The following STK39 variants were observed in gnomAD, a reference collection of about 807,000 sequenced individuals.
STK39 encodes the protein STE20/SPS1-related proline-alanine-rich protein kinase.
A neutral mutation model predicts 77.8 loss-of-function variants in STK39; 20 were observed. The ratio of observed to expected loss-of-function variants is 0.26; its 90% CI spans 0.18 to 0.37. The LOEUF (loss-of-function observed/expected upper bound fraction) is 0.37, where lower values mean the gene tolerates loss of function less well. Ranked by LOEUF, STK39 falls within the 10% of genes least tolerant of loss-of-function variation. The pLI, the probability that STK39 is intolerant of heterozygous loss-of-function variation, is 1.00. For synonymous variants in STK39, 246 were observed against 234.1 expected (o/e 1.05, Z -0.47); for missense variants, 479 against 656.5 (o/e 0.73, Z 2.95).
intron 2 of STK39, among the ~76,000 whole-genome samples, chr2:168,180,712 C>G (rs1026711576): frequency 2.6e-5 from 4 of 151,326 alleles, no homozygotes. Context: ...TAGCAAGCAA[C>G]AGACAAGTAG....
At chr2:168,213,549 C>T (rs948380153) in intron 1 of STK39, among the ~76,000 whole-genome samples, 7 of 151,804 alleles carry the variant, frequency 4.6e-5, no homozygotes, top group South Asian at 4.2e-4. Context: ...AGGCGGGCAT[C>T]GTGATGTGTG....
intron 1 of STK39, among the ~76,000 whole-genome samples, chr2:168,219,542 A>G (rs190028909): frequency 6.6e-4 from 100 of 151,874 alleles, no homozygotes; most frequent in Non-Finnish European, 5.9e-4. Context: ...CTATCCCTCT[A>G]CTGTCCAAAC....
chr2:167,983,311 C>G (rs1424234060), intron 16 of STK39, among the ~76,000 whole-genome samples: 1 of 151,876 alleles, frequency 6.6e-6, no homozygotes, highest in African/African-American at 2.4e-5. Context: ...GAAACCCTGT[C>G]TCTACTAAAA....
intron 10 of STK39, among the ~76,000 whole-genome samples, chr2:168,080,324 C>T (rs569710606): frequency 1.6e-4 from 25 of 152,214 alleles, no homozygotes; most frequent in South Asian, 6.2e-4. Flanking sequence ...TGCAGCCTGA[C>T]GATGTGACAG....
At chr2:168,212,157 C>T (rs988264810) in intron 1 of STK39, among the ~76,000 whole-genome samples, 11 of 152,218 alleles carry the variant, frequency 7.2e-5, no homozygotes, top group African/African-American at 2.2e-4. Flanking sequence ...TGAAGACCTT[C>T]CTGTTACCTT....
At chr2:168,086,559 T>C (rs1183177497) in intron 10 of STK39, among the ~76,000 whole-genome samples, 1 of 152,158 alleles carries the variant, frequency 6.6e-6, no homozygotes, top group East Asian at 1.9e-4. Context: ...AGAATGAGGA[T>C]ATGAAAAAGT....
intron 1 of STK39, among the ~76,000 whole-genome samples, chr2:168,216,919 C>T (rs1184618956): frequency 6.6e-6 from 1 of 152,158 alleles, no homozygotes; most frequent in Non-Finnish European, 1.5e-5. Flanking sequence ...CCGCTAGGAA[C>T]AAGGCTTTTT....
intron 1 of STK39, among the ~76,000 whole-genome samples, chr2:168,191,377 C>T (rs1343474317): frequency 6.6e-6 from 1 of 152,058 alleles, no homozygotes; most frequent in Non-Finnish European, 1.5e-5. Flanking sequence ...AGCATATCCA[C>T]AGCCCACGCC....
intron 15 of STK39, among the ~76,000 whole-genome samples, chr2:168,013,729 T>G (rs556641452): frequency 3.3e-5 from 5 of 152,252 alleles, no homozygotes; most frequent in Admixed American, 1.3e-4. Context: ...AAAGCTGCCC[T>G]AACCATAAAC....
intron 10 of STK39, among the ~76,000 whole-genome samples, chr2:168,110,850 C>CAT (rs1439826458): frequency 6.6e-6 from 1 of 152,170 alleles, no homozygotes; most frequent in Non-Finnish European, 1.5e-5. Context: ...TTGACTCTAT[C>CAT]AATCAATTTG....
intron 1 of STK39, among the ~76,000 whole-genome samples, chr2:168,223,339 G>A (rs142514418): frequency 0.039 from 5,936 of 151,874 alleles, 164 homozygotes; most frequent in Middle Eastern, 0.078. Context: ...GTGAAACCCC[G>A]TCTTTACTAA....
chr2:168,213,946 C>G (rs889749086), intron 1 of STK39, among the ~76,000 whole-genome samples: 1 of 152,048 alleles, frequency 6.6e-6, no homozygotes, highest in Admixed American at 6.6e-5. Context: ...ATGGTATATA[C>G]GAATAGTAGA....
chr2:168,064,993 A>T (rs1460108736), intron 13 of STK39, among the ~76,000 whole-genome samples: 1 of 152,260 alleles, frequency 6.6e-6, no homozygotes, highest in African/African-American at 2.4e-5. Flanking sequence ...AAATCCAACC[A>T]GGAGCAAAAA....
At chr2:168,074,907 C>T in intron 12 of STK39, 75 bp downstream of exon 12, 1 of 1,545,680 alleles carries the variant, frequency 6.5e-7, no homozygotes, top group Non-Finnish European at 8.8e-7. Flanking sequence ...AAGCATCTCC[C>T]CTAAATGGAT....
intron 1 of STK39, chr2:168,231,908 G>A (rs1042367312): frequency 4.2e-6 from 1 of 235,614 alleles, no homozygotes. Flanking sequence ...GGGAGGAAGG[G>A]GCCACCCACC....
chr2:168,150,118 C>T (rs1350567774), intron 5 of STK39, among the ~76,000 whole-genome samples: 1 of 152,210 alleles, frequency 6.6e-6, no homozygotes, highest in Admixed American at 6.5e-5. Context: ...AGAAGAGAAG[C>T]ACTACTCTAG....
At chr2:167,955,716 A>T (rs1691746360) in intron 17 of STK39, 146 bp from the exon 18 acceptor site, 10 of 724,068 alleles carry the variant, frequency 1.4e-5, no homozygotes, top group Non-Finnish European at 2.3e-5. Context: ...GACGCCAGCC[A>T]CTCTCTCGAA....
At chr2:168,088,603 G>A (rs1686432918) in intron 10 of STK39, among the ~76,000 whole-genome samples, 1 of 152,048 alleles carries the variant, frequency 6.6e-6, no homozygotes. Context: ...CCATATTATG[G>A]AATAGTATGT....
intron 7 of STK39, among the ~76,000 whole-genome samples, chr2:168,138,554 TGGA>T (rs1687896765): frequency 6.6e-6 from 1 of 151,728 alleles, no homozygotes; most frequent in Admixed American, 6.6e-5. Context: ...GGAAAGCGGG[TGGA>T]GGAGAAGAGA....
Sources: allele counts gnomAD v4.1 joint callset (sites outside exome capture counted in the v4.1 genomes callset), GRCh38; gene constraint gnomAD v4.1.1; transcripts MANE v1.5; gene names NCBI Gene and HGNC (gene_info 2026-07-23, HGNC 2026-07-21).